Variants in NCOA4 observed in about 807,000 individuals in gnomAD.
NCOA4 encodes 70 kDa AR-activator.
In NCOA4, 31 loss-of-function variants were observed where a neutral mutation model predicts 69.5. The ratio of observed to expected loss-of-function variants is 0.45; its 90% CI spans 0.34 to 0.60. The LOEUF (loss-of-function observed/expected upper bound fraction) is 0.60. Ranked by LOEUF, NCOA4 falls within the 20% of genes least tolerant of loss-of-function variation. The pLI is 0.02. For synonymous variants in NCOA4, 228 were observed against 252.4 expected, an observed-to-expected ratio of 0.90 and a Z score of 0.92; for missense variants, 600 against 719.2, an observed-to-expected ratio of 0.83 and a Z score of 1.90.
chr10:46,010,366 C>T lies in NCOA4; in HGVS notation c.1555G>A (p.Gly519Ser), dbSNP rs1554920904. ...KEVPGTEDRA[G>S]KQKFKSPMNT... is the part of the protein sequence containing the mutation. ...ATGGGGCTTTTAAACTTCTGTTTGCCAGCTCTGTCTTCAGTACCAGGCACT... is the reference window on the plus strand; with the variant it reads ...ATGGGGCTTTTAAACTTCTGTTTGCTAGCTCTGTCTTCAGTACCAGGCACT... Residue 519 changes from glycine (G) to serine (S), a missense_variant, in exon 8 of 10, where the codon GGC (glycine) becomes AGC (serine). Coordinates refer to ENST00000581486, the MANE Select transcript of NCOA4 (RefSeq NM_001145263.2). 6.2e-7 allele frequency: 1 copy of T among 1,614,110 alleles called. No homozygotes were observed. Among genetic ancestry groups the T allele is most frequent in the African/African-American group, 1.3e-5 (1 of 75,000 alleles).
At chr10:46,025,453 G>A (rs1434339245) in intron 1 of NCOA4, among the ~76,000 whole-genome samples, 1 of 152,160 alleles carries the variant, frequency 6.6e-6, no homozygotes, top group Non-Finnish European at 1.5e-5. Context: ...CCTTAATCCA[G>A]TCAAGTTGAC....
At chr10:46,021,631 A>G (rs1256456398) in intron 1 of NCOA4, among the ~76,000 whole-genome samples, 6 of 152,238 alleles carry the variant, frequency 3.9e-5, no homozygotes, top group African/African-American at 1.2e-4. Context: ...TATAACCACA[A>G]TTGTTCAGAA....
intron 1 of NCOA4, chr10:46,023,583 C>G (rs1008840595): frequency 1.1e-6 from 1 of 936,188 alleles, no homozygotes; most frequent in South Asian, 4.9e-5. Context: ...CAGCTCCCTC[C>G]CCGCTGGGCC....
chr10:46,010,154 A>G, intron 8 of NCOA4, 69 bp downstream of exon 8: 1 of 1,506,122 alleles, frequency 6.6e-7, no homozygotes. Flanking sequence ...AGTGACAGAG[A>G]CCCCATCTCA....
intron 8 of NCOA4, 42 bp downstream of exon 8, chr10:46,010,181 A>T: frequency 6.5e-7 from 1 of 1,540,540 alleles, no homozygotes; most frequent in Non-Finnish European, 8.7e-7. Flanking sequence ...ATGAATAAAT[A>T]AATAAAACTC....
Position 46,011,106 on chromosome 10 carries a change from C to T in NCOA4, c.815G>A (p.Cys272Tyr). 11 of 1,613,884 alleles carry T rather than the reference C, an allele frequency of 6.8e-6. No homozygotes were observed. Among genetic ancestry groups the T allele is most frequent in the Non-Finnish European group, 9.3e-6 (11 of 1,179,844 alleles). Residue 272 changes from cysteine (C) to tyrosine (Y), a missense_variant, in exon 8 of 10, where the codon TGT becomes TAT. Coordinates refer to ENST00000581486, the MANE Select transcript of NCOA4 (RefSeq NM_001145263.2). ...LKSEKSSYQKCNSHSTTSSFS... is the reference protein window; with the variant it reads ...LKSEKSSYQKYNSHSTTSSFS... ...AGAACTAGTAGTGGAATGGCTGTTA[C>T]ACTTTTGATAACTTGATTTTTCACT...
At chr10:46,007,089 T>G (rs1347171213) in intron 9 of NCOA4, among the ~76,000 whole-genome samples, 2 of 152,218 alleles carry the variant, frequency 1.3e-5, no homozygotes, top group African/African-American at 4.8e-5. Flanking sequence ...CTTCTCATTC[T>G]CTGGCTGAAA....
chr10:46,023,586 G>A, intron 1 of NCOA4: 2 of 935,132 alleles, frequency 2.1e-6, no homozygotes, highest in South Asian at 4.9e-5. Context: ...CTCCCTCCCC[G>A]CTGGGCCTCC....
At chr10:46,011,329 AC>A in intron 7 of NCOA4, 123 bp from the exon 8 acceptor site, 1 of 937,214 alleles carries the variant, frequency 1.1e-6, no homozygotes, top group Non-Finnish European at 1.6e-6. Context: ...GTGCGGTGGC[AC>A]AATCTCAGCT....
chr10:46,014,325 G>T, intron 5 of NCOA4, 119 bp downstream of exon 5: 1 of 752,062 alleles, frequency 1.3e-6, no homozygotes, highest in Non-Finnish European at 2.2e-6. Flanking sequence ...CTGAGAACAT[G>T]AAATTTTTGA....
At chr10:46,009,165 C>G in intron 9 of NCOA4, 1 of 1,551,188 alleles carries the variant, frequency 6.4e-7, no homozygotes, top group Non-Finnish European at 8.7e-7. Context: ...CACATGGGAT[C>G]TGAAAATTCC....
At chr10:46,023,234 A>C in intron 1 of NCOA4, 1 of 973,770 alleles carries the variant, frequency 1.0e-6, no homozygotes, top group Non-Finnish European at 1.2e-6. Flanking sequence ...GCAGTTGTGC[A>C]GTCAGCCGCT....
intron 1 of NCOA4, among the ~76,000 whole-genome samples, chr10:46,022,116 A>C (rs1242990373): frequency 6.6e-6 from 1 of 152,154 alleles, no homozygotes; most frequent in Admixed American, 6.5e-5. Context: ...GAAAGCTCAG[A>C]CTAGATCATC....
Position 46,010,883 on chromosome 10 carries a change from G to T in NCOA4, c.1038C>A (p.Ser346=), listed in dbSNP as rs375586863. ...NVNDWLVKTD[S]CTNCQGNQPK... is the part of the protein sequence containing the mutation. ...GCTGGTTTCCCTGACAGTTGGTACA[G>T]GAGTCAGTCTTGACAAGCCAATCAT... Residue 346 remains serine, a synonymous_variant, in exon 8 of 10, where the codon TCC becomes TCA. Coordinates refer to ENST00000581486, the MANE Select transcript of NCOA4 (RefSeq NM_001145263.2). 1 of 1,613,982 alleles carries T rather than the reference G, an allele frequency of 6.2e-7. No homozygotes were observed.
Sources: allele counts gnomAD v4.1 joint callset (sites outside exome capture counted in the v4.1 genomes callset), GRCh38; gene constraint gnomAD v4.1.1; transcripts MANE v1.5; gene names NCBI Gene and HGNC (gene_info 2026-07-23, HGNC 2026-07-21).